Variants in RNF144A observed in about 807,000 individuals in gnomAD.
RNF144A encodes E3 ubiquitin-protein ligase RNF144A.
A neutral mutation model predicts 38.7 loss-of-function variants in RNF144A; 11 were observed. The ratio of observed to expected loss-of-function variants is 0.28; its 90% CI spans 0.18 to 0.47. The LOEUF (loss-of-function observed/expected upper bound fraction) is 0.47, where lower values mean the gene tolerates loss of function less well. Ranked by LOEUF, RNF144A falls within the 20% of genes least tolerant of loss-of-function variation. The pLI, the probability that RNF144A is intolerant of heterozygous loss-of-function variation, is 0.99. For synonymous variants in RNF144A, 149 were observed against 143.9 expected (o/e 1.04, Z -0.25); for missense variants, 316 against 377.2 (o/e 0.84, Z 1.34).
chr2:7,075,287 C>T, the RNF144A span, among the ~76,000 whole-genome samples: 2 of 151,666 alleles, frequency 1.3e-5, no homozygotes, highest in African/African-American at 2.4e-5. Flanking sequence ...AACATCCCCC[C>T]CCCCACACAG....
At chr2:7,035,482 A>G (rs1187888610) in intron 8 of RNF144A, among the ~76,000 whole-genome samples, 1 of 152,174 alleles carries the variant, frequency 6.6e-6, no homozygotes, top group South Asian at 2.1e-4. Context: ...CCGTCCTACA[A>G]ATGGGTCAGC....
chr2:7,041,361 G>C lies in RNF144A; in HGVS notation c.*1601G>C. The C allele has an allele frequency of 1.0e-6, 1 of 985,840 alleles. No individual in the cohort carries two copies. Among genetic ancestry groups the C allele is most frequent in the Non-Finnish European group, 1.2e-6 (1 of 829,928 alleles). The allele number at this position is 985,840 out of a possible 1,614,324, so 61.1% of individuals were successfully genotyped here. A position where few individuals can be genotyped will look rare whatever the true frequency, so the allele number is the denominator to read the frequency against. On this transcript the variant is annotated 3_prime_UTR_variant, in exon 9 of 9. Coordinates refer to ENST00000320892, the MANE Select transcript of RNF144A (RefSeq NM_014746.6). ...AACATTGAATTCGTTAGAAAAAACAGCGTCACCTCACTCTTCACCTGTCAT... is the reference window on the plus strand; with the variant it reads ...AACATTGAATTCGTTAGAAAAAACACCGTCACCTCACTCTTCACCTGTCAT...
At chr2:7,047,533 G>T (rs964700788), downstream of RNF144A, among the ~76,000 whole-genome samples, 13 of 152,188 alleles carry the variant, frequency 8.5e-5, no homozygotes, top group African/African-American at 2.4e-4. Context: ...CGAGAATAGC[G>T]CAGGAAAGAC....
intron 2 of RNF144A, among the ~76,000 whole-genome samples, chr2:6,982,842 G>A (rs1346733861): frequency 1.3e-5 from 2 of 152,192 alleles, no homozygotes; most frequent in Admixed American, 6.5e-5. Flanking sequence ...TTCTGTGCTT[G>A]TTTTCTAAAA....
chr2:7,041,348 G>C lies in RNF144A; in HGVS notation c.*1588G>C. On this transcript the variant is annotated 3_prime_UTR_variant, in exon 9 of 9. Transcript: ENST00000320892. ...TTTCTTATTTCCTAACATTGAATTCGTTAGAAAAAACAGCGTCACCTCACT... is the reference window on the plus strand; with the variant it reads ...TTTCTTATTTCCTAACATTGAATTCCTTAGAAAAAACAGCGTCACCTCACT... The C allele has an allele frequency of 1.0e-6, 1 of 985,738 alleles. No individual in the cohort carries two copies. 61.1% of individuals were successfully genotyped at this position (985,738 alleles called of 1,614,324 possible).
Position 7,039,957 on chromosome 2 carries a change from G to T in RNF144A, c.*197G>T. 1 of 1,402,086 alleles carries T rather than the reference G, an allele frequency of 7.1e-7. No homozygotes were observed. The highest frequency in any genetic ancestry group is 9.3e-7 in the Non-Finnish European group (1 of 1,078,936). 86.9% of individuals were successfully genotyped at this position (1,402,086 alleles called of 1,614,324 possible). A position where few individuals can be genotyped will look rare whatever the true frequency, so the allele number is the denominator to read the frequency against. ...GAGGCCCCAGGTGTGGTGGGGAGGG[G>T]AGGCAGGTGTGGGTAGCGCACATCC... On this transcript the variant is annotated 3_prime_UTR_variant, in exon 9 of 9. Coordinates refer to ENST00000320892, the MANE Select transcript of RNF144A (RefSeq NM_014746.6).
At chr2:6,965,722 A>T (rs992863719) in intron 2 of RNF144A, among the ~76,000 whole-genome samples, 2 of 152,112 alleles carry the variant, frequency 1.3e-5, no homozygotes, top group Admixed American at 6.5e-5. Context: ...AAGGCACGAG[A>T]TTTATAAAAA....
Position 7,041,132 on chromosome 2 carries a change from A to C in RNF144A, c.*1372A>C, listed in dbSNP as rs1673018056. ...AAACTTCTAAAAATAACAGGCAAATATTGTAGCTATATTACAGTGGGATTT... is the reference window on the plus strand; with the variant it reads ...AAACTTCTAAAAATAACAGGCAAATCTTGTAGCTATATTACAGTGGGATTT... On this transcript the variant is annotated 3_prime_UTR_variant, in exon 9 of 9. Coordinates refer to ENST00000320892, the MANE Select transcript of RNF144A (RefSeq NM_014746.6). 3 of 980,852 alleles carry C rather than the reference A, an allele frequency of 3.1e-6. No individual in the cohort carries two copies. The highest frequency in any genetic ancestry group is 2.3e-4 in the East Asian group (2 of 8,796). The allele number at this position is 980,852 out of a possible 1,614,324, so 60.8% of individuals were successfully genotyped here. A position where few individuals can be genotyped will look rare whatever the true frequency, so the allele number is the denominator to read the frequency against.
At chr2:6,948,234 A>G (rs1666463702) in intron 2 of RNF144A, among the ~76,000 whole-genome samples, 1 of 152,140 alleles carries the variant, frequency 6.6e-6, no homozygotes, top group Non-Finnish European at 1.5e-5. Context: ...AATTTGGGAG[A>G]TCCAGATCTG....
chr2:7,040,977 A>C lies in RNF144A; in HGVS notation c.*1217A>C, dbSNP rs1673011694. 1.0e-6 allele frequency: 1 copy of C among 985,358 alleles called. No individual in the cohort carries two copies. The highest frequency in any genetic ancestry group is 1.1e-4 in the East Asian group (1 of 8,816). The allele number at this position is 985,358 out of a possible 1,614,324, so 61.0% of individuals were successfully genotyped here. On this transcript the variant is annotated 3_prime_UTR_variant, in exon 9 of 9. Coordinates refer to ENST00000320892, the MANE Select transcript of RNF144A (RefSeq NM_014746.6). ...GACCATTTCCATGGCAGCAGGATGC[A>C]GGGATTAATAAGGACACATACACAT...
chr2:7,018,047 C>G (rs1671254640), intron 5 of RNF144A, among the ~76,000 whole-genome samples: 1 of 152,240 alleles, frequency 6.6e-6, no homozygotes, highest in African/African-American at 2.4e-5. Context: ...AATAGCATCC[C>G]CCACTGTTGA....
At chr2:7,038,462 G>A (rs1672822681) in intron 8 of RNF144A, among the ~76,000 whole-genome samples, 2 of 152,172 alleles carry the variant, frequency 1.3e-5, no homozygotes, top group Non-Finnish European at 2.9e-5. Flanking sequence ...TTCCTCGAGG[G>A]CCAAGATGTA....
chr2:6,980,345 G>T (rs771258), intron 2 of RNF144A, among the ~76,000 whole-genome samples: 131,025 of 152,214 alleles, frequency 0.86, 57,516 homozygotes, highest in Non-Finnish European at 0.92. Context: ...CCCTTCCACC[G>T]AAGAGCCTGT....
At chr2:6,936,455 G>A (rs928082037) in intron 1 of RNF144A, among the ~76,000 whole-genome samples, 1 of 152,028 alleles carries the variant, frequency 6.6e-6, no homozygotes, top group Admixed American at 6.5e-5. Flanking sequence ...GGTTTTGAGT[G>A]GTTGTCACTG....
chr2:6,998,381 A>G (rs1669897941), intron 3 of RNF144A, among the ~76,000 whole-genome samples: 1 of 152,210 alleles, frequency 6.6e-6, no homozygotes, highest in Admixed American at 6.5e-5. Context: ...TAGGCACAGC[A>G]AATATTTTAT....
chr2:6,949,860 T>C (rs1666566779), intron 2 of RNF144A, among the ~76,000 whole-genome samples: 1 of 152,204 alleles, frequency 6.6e-6, no homozygotes, highest in Admixed American at 6.5e-5. Context: ...CACAGTAAAA[T>C]TATTAAACTA....
chr2:7,001,602 A>G (rs1670108879), intron 3 of RNF144A, among the ~76,000 whole-genome samples: 1 of 151,912 alleles, frequency 6.6e-6, no homozygotes, highest in Non-Finnish European at 1.5e-5. Flanking sequence ...GCTTGAGCCC[A>G]GGAGGTCGAG....
chr2:6,943,892 AC>A lies in RNF144A; in HGVS notation c.-12+2747del, dbSNP rs1666172901. Among the ~76,000 whole-genome samples, 1 of 152,152 alleles carries A rather than the reference AC, an allele frequency of 6.6e-6. No individual in the cohort carries two copies. Among genetic ancestry groups the A allele is most frequent in the South Asian group, 2.1e-4 (1 of 4,830 alleles). On this transcript the variant is annotated intron_variant, in intron 2 of 8. Transcript: ENST00000320892. The surrounding 1 kb of genome is among the most constrained non-coding windows in gnomAD (Gnocchi z 4.3). ...AGAGAGATGGAGGTGCAGAGCGGTC[AC>A]CTGAAGCATTCACAGCCCACTCGAA...
At chr2:7,049,768 C>T (rs1572480887) in intron 6 of RNF144A, among the ~76,000 whole-genome samples, 1 of 152,244 alleles carries the variant, frequency 6.6e-6, no homozygotes, top group East Asian at 1.9e-4. Context: ...GAGATGAAGA[C>T]GATGAAGAGG....
Sources: gnomAD v4.1 joint callset for allele counts (sites outside exome capture counted in the v4.1 genomes callset) on GRCh38, gnomAD v4.1.1 for gene constraint, Gnocchi (gnomAD v3.1) non-coding constraint, MANE v1.5 for transcripts, NCBI Gene and HGNC (gene_info 2026-07-23, HGNC 2026-07-21) for gene names.